SLC41A2: variants seen among roughly 807,000 people sequenced by gnomAD.
SLC41A2 encodes the protein solute carrier family 41 member 2, also known as SLC41A1-like 1.
A neutral mutation model predicts 58.3 loss-of-function variants in SLC41A2; 32 were observed. That is an observed-to-expected ratio of 0.55 (90% CI 0.41 to 0.74). The LOEUF (loss-of-function observed/expected upper bound fraction) is 0.74. Ranked by LOEUF, SLC41A2 falls within the 30% of genes least tolerant of loss-of-function variation. SLC41A2 has a pLI of 0.00. For missense variants in SLC41A2, 514 were observed against 680.6 expected (o/e 0.76, Z 2.72); for synonymous variants, 190 against 235.0 (o/e 0.81, Z 1.75).
At chr12:104,831,737 C>G (rs2042042990) in intron 10 of SLC41A2, among the ~76,000 whole-genome samples, 1 of 152,064 alleles carries the variant, frequency 6.6e-6, no homozygotes, top group African/African-American at 2.4e-5. Flanking sequence ...ACAAAATACA[C>G]TCAATATATC....
At chr12:104,846,994 C>T (rs1464261190) in intron 8 of SLC41A2, among the ~76,000 whole-genome samples, 1 of 151,944 alleles carries the variant, frequency 6.6e-6, no homozygotes, top group African/African-American at 2.4e-5. Flanking sequence ...CAGGAAAAAG[C>T]AATAAAGAAT....
intron 3 of SLC41A2, among the ~76,000 whole-genome samples, chr12:104,902,885 G>A (rs1485448338): frequency 6.6e-6 from 1 of 152,170 alleles, no homozygotes; most frequent in Non-Finnish European, 1.5e-5. Flanking sequence ...CTAGCATTCT[G>A]TAAGAACTAT....
At chr12:104,832,709 T>C (rs971135318) in intron 10 of SLC41A2, among the ~76,000 whole-genome samples, 10 of 151,924 alleles carry the variant, frequency 6.6e-5, no homozygotes, top group African/African-American at 2.4e-4. Flanking sequence ...TGAACTAACA[T>C]TACAGATGAA....
chr12:104,905,548 C>T (rs551009596), intron 3 of SLC41A2, among the ~76,000 whole-genome samples: 4 of 152,340 alleles, frequency 2.6e-5, no homozygotes, highest in South Asian at 2.1e-4. Context: ...TGGGACTGGG[C>T]GCCGTGGAGC....
chr12:104,940,843 C>T (rs1047786835), intron 1 of SLC41A2, among the ~76,000 whole-genome samples: 9 of 147,158 alleles, frequency 6.1e-5, no homozygotes, highest in South Asian at 4.4e-4. Flanking sequence ...TACTTGAAAA[C>T]GGGAGGCAGA....
intron 4 of SLC41A2, among the ~76,000 whole-genome samples, chr12:104,892,319 AAT>A: frequency 7.6e-5 from 10 of 131,858 alleles, no homozygotes; most frequent in East Asian, 3.0e-4. Flanking sequence ...AATAAAATAA[AAT>A]AAAATAAAAT....
rs773824319 is a variant in SLC41A2, at chr12:104,928,381, A to T, written c.147T>A (p.Ile49=). 2.5e-6 allele frequency: 4 copies of T among 1,587,046 alleles called. No homozygotes were observed. Among genetic ancestry groups the T allele is most frequent in the African/African-American group, 2.7e-5 (2 of 74,104 alleles). Residue 49 remains isoleucine (I), a synonymous_variant, in exon 2 of 11, where the codon ATT becomes ATA. Transcript: ENST00000258538. Reference sequence around the variant, plus strand: ...GCCTGTCTTCTTGGTTTTTCTGGTAAATCACTGGAACCATACTCAAGAGTA... The same window carrying T: ...GCCTGTCTTCTTGGTTTTTCTGGTATATCACTGGAACCATACTCAAGAGTA... ...LNLLLSMVPV[I]YQKNQEDRHK...
intron 1 of SLC41A2, among the ~76,000 whole-genome samples, 189 bp from the exon 2 acceptor site, chr12:104,928,883 A>T (rs1021308836): frequency 6.6e-6 from 1 of 152,230 alleles, no homozygotes; most frequent in Non-Finnish European, 1.5e-5. Context: ...GTACAGAAAT[A>T]TAATACAGAG....
intron 7 of SLC41A2, among the ~76,000 whole-genome samples, chr12:104,864,570 G>A (rs2043344157): frequency 6.6e-6 from 1 of 151,972 alleles, no homozygotes; most frequent in Non-Finnish European, 1.5e-5. Flanking sequence ...CTTTCCATCA[G>A]GTAGCTCATG....
At chr12:104,879,474 A>G (rs1251994898) in intron 6 of SLC41A2, among the ~76,000 whole-genome samples, 4 of 152,120 alleles carry the variant, frequency 2.6e-5, no homozygotes, top group African/African-American at 9.7e-5. Context: ...ATTTTTGTAT[A>G]AGGTGTAAGG....
intron 3 of SLC41A2, among the ~76,000 whole-genome samples, chr12:104,905,780 G>T (rs915423779): frequency 1.3e-5 from 2 of 152,256 alleles, no homozygotes; most frequent in African/African-American, 4.8e-5. Context: ...ATTGCCCGGG[G>T]ACAGCAGGGC....
intron 4 of SLC41A2, among the ~76,000 whole-genome samples, chr12:104,892,233 A>C (rs1364367786): frequency 6.6e-6 from 1 of 151,482 alleles, no homozygotes; most frequent in East Asian, 1.9e-4. Context: ...GGCTGTAGTG[A>C]GCCGAGATCA....
chr12:104,848,207 A>G (rs542708284), intron 8 of SLC41A2, among the ~76,000 whole-genome samples: 23 of 152,350 alleles, frequency 1.5e-4, no homozygotes, highest in Non-Finnish European at 2.4e-4. Context: ...AAAGTAAACA[A>G]TACATTTCTA....
intron 6 of SLC41A2, among the ~76,000 whole-genome samples, chr12:104,880,250 G>A (rs1346141702): frequency 1.3e-5 from 2 of 152,152 alleles, no homozygotes. Flanking sequence ...GCGCAATCAT[G>A]CCCTCTGCAA....
Position 104,838,512 on chromosome 12 carries a change from T to C in SLC41A2, c.1536+5960A>G, listed in dbSNP as rs12301731. Among the ~76,000 whole-genome samples the C allele has an allele frequency of 3.3e-3, 500 of 152,294 alleles. 5 individuals are homozygous for C. Among genetic ancestry groups the C allele is most frequent in the African/African-American group, 0.012 (479 of 41,576 alleles). ...AACAAGTATTGCCTAGTGAAAGTAA[T>C]AGCAAAAACTAACTAGACTTTTGTT... is the stretch of plus-strand genomic sequence containing the variant. On this transcript the variant is annotated intron_variant, in intron 10 of 10. Transcript: ENST00000258538.
intron 1 of SLC41A2, among the ~76,000 whole-genome samples, chr12:104,950,076 G>A (rs1162536354): frequency 6.6e-6 from 1 of 152,178 alleles, no homozygotes; most frequent in African/African-American, 2.4e-5. Context: ...GACATGGAAT[G>A]CCTGACTATG....
At chr12:104,948,308 T>C (rs1229386145) in intron 1 of SLC41A2, among the ~76,000 whole-genome samples, 1 of 152,194 alleles carries the variant, frequency 6.6e-6, no homozygotes, top group South Asian at 2.1e-4. Context: ...ACCAGGAATA[T>C]GAATAGCTTA....
chr12:104,822,473 A>T (rs913658262), intron 10 of SLC41A2, among the ~76,000 whole-genome samples: 111 of 152,322 alleles, frequency 7.3e-4, no homozygotes, highest in Admixed American at 1.7e-3. Context: ...AATTATTTTT[A>T]AAAAAGTTTT....
At chr12:104,957,406 A>G (rs1444584907) in intron 1 of SLC41A2, among the ~76,000 whole-genome samples, 3 of 152,078 alleles carry the variant, frequency 2.0e-5, no homozygotes, top group South Asian at 2.1e-4. Flanking sequence ...ACTAAGAGAG[A>G]CAGGGTTTCT....
Sources: gnomAD v4.1 joint callset for allele counts (sites outside exome capture counted in the v4.1 genomes callset) on GRCh38, gnomAD v4.1.1 for gene constraint, MANE v1.5 for transcripts, NCBI Gene and HGNC (gene_info 2026-07-23, HGNC 2026-07-21) for gene names.